ZSCAN10: variants seen among roughly 807,000 people sequenced by gnomAD.
The protein encoded by ZSCAN10 is zinc finger and SCAN domain containing 10, also known as zinc finger and SCAN domain-containing protein 10.
In ZSCAN10, 52 loss-of-function variants were observed where a neutral mutation model predicts 63.7. The ratio of observed to expected loss-of-function variants is 0.82; its 90% CI spans 0.65 to 1.03. The LOEUF (loss-of-function observed/expected upper bound fraction) is 1.03, where lower values mean the gene tolerates loss of function less well. Among genes scored for constraint, ZSCAN10 ranks in the 50% least tolerant of loss-of-function variants. The pLI, the probability that ZSCAN10 is intolerant of heterozygous loss-of-function variation, is 0.00. For synonymous variants in ZSCAN10, 544 were observed against 479.6 expected, an observed-to-expected ratio of 1.13 and a Z score of -1.76; for missense variants, 1,223 against 1,103.8, an observed-to-expected ratio of 1.11 and a Z score of -1.53.
chr16:3,092,414 G>A (rs1957094996), intron 2 of ZSCAN10, 98 bp from the exon 3 acceptor site: 1 of 1,513,366 alleles, frequency 6.6e-7, no homozygotes, highest in African/African-American at 1.4e-5. Context: ...GAGTCAGCCA[G>A]GGGAGGAGTT....
chr16:3,089,643 C>A lies in ZSCAN10; in HGVS notation c.1791G>T (p.Leu597=). 3 of 1,589,718 alleles carry A rather than the reference C, an allele frequency of 1.9e-6. No individual in the cohort carries two copies. The highest frequency in any genetic ancestry group is 2.6e-6 in the Non-Finnish European group (3 of 1,168,076). ...GGGGCCGAGGGCCACCGTGGGTCAG[C>A]AGGTGGCGGGCAAGGCTGGCCCGGC... is the stretch of plus-strand genomic sequence containing the variant. The part of the protein sequence containing the change: ...FVRRASLARH[L]LTHGGPRPHH... The change falls in exon 6 of 6, where the codon CTG becomes CTT. Residue 597 remains leucine, a synonymous_variant. Transcript: ENST00000576985.
chr16:3,095,526 A>T (rs943141519), intron 1 of ZSCAN10, among the ~76,000 whole-genome samples: 5 of 147,138 alleles, frequency 3.4e-5, no homozygotes, highest in African/African-American at 1.3e-4. Flanking sequence ...AAAAAAAAAA[A>T]AATTAAAAAT....
chr16:3,097,446 C>T (rs1212750805), intron 1 of ZSCAN10, among the ~76,000 whole-genome samples: 1 of 152,226 alleles, frequency 6.6e-6, no homozygotes, highest in Non-Finnish European at 1.5e-5. Flanking sequence ...AGTCCCATCC[C>T]ATCCAGGTGT....
At position 3,089,807 on chromosome 16, in the gene ZSCAN10, C is replaced by T; in HGVS notation, c.1627G>A (p.Val543Met). The T allele has an allele frequency of 6.3e-7, 1 of 1,580,260 alleles. No homozygotes were observed. The highest frequency in any genetic ancestry group is 2.3e-5 in the East Asian group (1 of 43,598). Residue 543 changes from valine (V) to methionine (M), a missense_variant, in exon 6 of 6, where the codon GTG becomes ATG. Physicochemically the swap from Val to Met is conservative, Grantham distance 21. Transcript: ENST00000576985. ...RSEHLVAHRR[V>M]HTGERPFSCQ... ...GAGAAGGGCCGCTCGCCCGTGTGCACCCTCCGGTGGGCCACCAGGTGCTCG... is the reference window on the plus strand; with the variant it reads ...GAGAAGGGCCGCTCGCCCGTGTGCATCCTCCGGTGGGCCACCAGGTGCTCG...
rs769492219 is a variant in ZSCAN10, at chr16:3,090,268, G to A, written c.1166C>T (p.Ser389Phe). The A allele has an allele frequency of 1.9e-6, 3 of 1,608,680 alleles. No individual in the cohort carries two copies. The highest frequency in any genetic ancestry group is 2.2e-5 in the South Asian group (2 of 90,962). Residue 389 changes from serine (S) to phenylalanine (F), a missense_variant, in exon 6 of 6, where the codon TCC becomes TTC. By Grantham distance (155) the Ser-to-Phe change is radical (BLOSUM62 -2). Transcript: ENST00000576985. ...AGTGCGCATGTGCAGCTTGAGAATG[G>A]AGCTGCGGCCGAAGCTCTTCCCGCA... ...LCCGKSFGRSSILKLHMRTHT... is the reference protein window; with the variant it reads ...LCCGKSFGRSFILKLHMRTHT...
chr16:3,090,759 T>G (rs1278001546), intron 5 of ZSCAN10, 113 bp from the exon 6 acceptor site: 2 of 1,291,042 alleles, frequency 1.5e-6, no homozygotes, highest in East Asian at 2.6e-5. Context: ...GCAAAGCTGG[T>G]AGGTAAAAGG....
At chr16:3,098,315 T>C (rs1957182234) in intron 1 of ZSCAN10, among the ~76,000 whole-genome samples, 1 of 152,126 alleles carries the variant, frequency 6.6e-6, no homozygotes, top group South Asian at 2.1e-4. Context: ...AGCTTTGCAC[T>C]TGGTGACATG....
intron 1 of ZSCAN10, 51 bp from the exon 2 acceptor site, chr16:3,093,055 C>G (rs1957107828): frequency 1.6e-6 from 2 of 1,286,394 alleles, no homozygotes; most frequent in Non-Finnish European, 2.0e-6. Context: ...AAGCTGGCCC[C>G]ATACCTGGGT....
At position 3,088,905 on chromosome 16, in the gene ZSCAN10, T is replaced by C; in HGVS notation, c.*186A>G. 7.5e-6 allele frequency: 9 copies of C among 1,201,890 alleles called. No individual in the cohort carries two copies. The highest frequency in any genetic ancestry group is 9.7e-6 in the Non-Finnish European group (9 of 928,030). 74.5% of individuals were successfully genotyped at this position (1,201,890 alleles called of 1,614,324 possible). A position where few individuals can be genotyped will look rare whatever the true frequency, so the allele number is the denominator to read the frequency against. On this transcript the variant is annotated 3_prime_UTR_variant, in exon 6 of 6. Coordinates refer to ENST00000576985, the MANE Select transcript of ZSCAN10 (RefSeq NM_032805.3). ...AGAGGGGCCATTTTGGAGAAGGCCA[T>C]TTTACTTCGGGCGTTTTAATTACAT...
intron 5 of ZSCAN10, among the ~76,000 whole-genome samples, chr16:3,090,869 C>T (rs1037560525): frequency 7.3e-6 from 1 of 136,194 alleles, no homozygotes; most frequent in Non-Finnish European, 1.5e-5. Context: ...CCCTGGCCAA[C>T]ATGGTGAAGC....
rs751285059 is a variant in ZSCAN10 at position 3,090,559 on chromosome 16, G to A, written c.875C>T (p.Ser292Phe). The change falls in exon 6 of 6, where the codon TCC becomes TTC. Residue 292 changes from serine to phenylalanine, a missense_variant. By Grantham distance (155) the Ser-to-Phe change is radical. Transcript: ENST00000576985. ...CGGCACCCCAGGACTATCTGCCTGG[G>A]ACTCTGCTAAGATGGGAGTGGGCCA... ...AAWPTPILAE[S>F]QADSPGVPGE... is the part of the protein sequence containing the mutation. 5 of 1,605,548 alleles carry A rather than the reference G, an allele frequency of 3.1e-6. No homozygotes were observed. In the South Asian group the frequency reaches 5.5e-5, roughly 18 times the overall value.
Position 3,092,731 on chromosome 16 carries a change from G to A in ZSCAN10, c.207C>T (p.Cys69=), listed in dbSNP as rs760208123. 78 of 1,612,874 alleles carry A rather than the reference G, an allele frequency of 4.8e-5. No individual in the cohort carries two copies. The Middle Eastern group carries it at 6.6e-4, about 14-fold the overall frequency. Reference sequence around the variant, plus strand: ...GCAGAGCCGGCCGCAGCCAGTGGCCGCAGAGCTCCCGGAGCCGGCTCAGGG... The same window carrying A: ...GCAGAGCCGGCCGCAGCCAGTGGCCACAGAGCTCCCGGAGCCGGCTCAGGG... ...RASLSRLREL[C]GHWLRPALHT... is the part of the protein sequence containing the mutation. Residue 69 remains cysteine, a synonymous_variant, in exon 2 of 6, where the codon TGC becomes TGT. Coordinates refer to ENST00000576985, the MANE Select transcript of ZSCAN10 (RefSeq NM_032805.3).
At chr16:3,094,083 G>A (rs920128034) in intron 1 of ZSCAN10, among the ~76,000 whole-genome samples, 2 of 152,188 alleles carry the variant, frequency 1.3e-5, no homozygotes, top group Admixed American at 6.5e-5. Flanking sequence ...CGCAATCACG[G>A]CTCACTGCAG....
chr16:3,091,435 G>C (rs1319077188), intron 5 of ZSCAN10, 105 bp downstream of exon 5: 38 of 1,284,600 alleles, frequency 3.0e-5, no homozygotes, highest in Non-Finnish European at 4.3e-5. Flanking sequence ...CTTGAGCCCA[G>C]GAGTGGAGAC....
chr16:3,093,178 A>C (rs1957109892), intron 1 of ZSCAN10, 174 bp from the exon 2 acceptor site: 1 of 396,712 alleles, frequency 2.5e-6, no homozygotes, highest in South Asian at 1.2e-4. Flanking sequence ...AACAAAGCAA[A>C]GGCCAGAGAA....
At chr16:3,091,708 A>G in intron 4 of ZSCAN10, 56 bp downstream of exon 4, 1 of 1,599,934 alleles carries the variant, frequency 6.3e-7, no homozygotes, top group South Asian at 1.1e-5. Context: ...TGCTAAAACT[A>G]CAGGGTAGAG....
At chr16:3,093,145 C>T in intron 1 of ZSCAN10, 141 bp from the exon 2 acceptor site, 1 of 534,548 alleles carries the variant, frequency 1.9e-6, no homozygotes, top group Non-Finnish European at 2.9e-6. Context: ...GAGGGCAGGA[C>T]AGCCCCCGGT....
At chr16:3,095,801 C>T (rs570856485) in intron 1 of ZSCAN10, among the ~76,000 whole-genome samples, 3 of 148,582 alleles carry the variant, frequency 2.0e-5, no homozygotes, top group African/African-American at 7.5e-5. Context: ...GCACTCCAGC[C>T]TGGGCGACAG....
chr16:3,089,048 C>G lies in ZSCAN10; in HGVS notation c.*43G>C, dbSNP rs749178024. ...TGCAGGCCTCCGCTGTGGAGGACCC[C>G]GGGTAGGTGGCGCAGGGCGCGGCTG... On this transcript the variant is annotated 3_prime_UTR_variant, in exon 6 of 6. Transcript: ENST00000576985. 1.0e-5 allele frequency: 15 copies of G among 1,450,504 alleles called. No individual in the cohort carries two copies. Among genetic ancestry groups the G allele is most frequent in the Admixed American group, 2.7e-5 (1 of 37,150 alleles). The allele number at this position is 1,450,504 out of a possible 1,614,324, so 89.9% of individuals were successfully genotyped here.
Sources: allele counts gnomAD v4.1 joint callset (sites outside exome capture counted in the v4.1 genomes callset), GRCh38; gene constraint gnomAD v4.1.1; transcripts MANE v1.5; gene names NCBI Gene and HGNC (gene_info 2026-07-23, HGNC 2026-07-21).